The following CCDC3 variants were observed in gnomAD, a reference collection of about 807,000 sequenced individuals.
CCDC3 encodes the protein coiled-coil domain containing 3, also known as coiled-coil domain-containing protein 3.
In CCDC3, 24 loss-of-function variants were observed where a neutral mutation model predicts 21.4. That is an observed-to-expected ratio of 1.12 (90% confidence interval 0.81 to 1.58). CCDC3 has a LOEUF of 1.58. Ranked by LOEUF, CCDC3 falls within the 40% of genes most tolerant of loss-of-function variation. CCDC3 has a pLI of 0.00. For synonymous variants in CCDC3, 186 were observed against 166.0 expected, an observed-to-expected ratio of 1.12 and a Z score of -0.93; for missense variants, 425 against 360.9, an observed-to-expected ratio of 1.18 and a Z score of -1.44.
chr10:13,081,755 C>A (rs1221171032), intron 3 of CCDC3, among the ~76,000 whole-genome samples: 3 of 152,152 alleles, frequency 2.0e-5, no homozygotes. Flanking sequence ...ACAATTGAGA[C>A]AAGGTATCAG....
At chr10:13,096,123 C>T (rs1832626240) in intron 3 of CCDC3, among the ~76,000 whole-genome samples, 1 of 151,102 alleles carries the variant, frequency 6.6e-6, no homozygotes, top group African/African-American at 2.4e-5. Flanking sequence ...TCCTTCCTTC[C>T]CTCCTTCCTT....
intron 2 of CCDC3, among the ~76,000 whole-genome samples, chr10:12,983,123 A>C (rs563130189): frequency 9.4e-6 from 1 of 106,836 alleles, no homozygotes; most frequent in African/African-American, 4.0e-5. Flanking sequence ...TAAATAAATA[A>C]AATAGTGTAT....
intron 5 of CCDC3, among the ~76,000 whole-genome samples, chr10:13,029,115 C>CTG (rs761635643): frequency 6.6e-6 from 1 of 152,174 alleles, no homozygotes; most frequent in Non-Finnish European, 1.5e-5. Context: ...TGTGCTCCTG[C>CTG]TGTGTCCTTT....
intron 2 of CCDC3, among the ~76,000 whole-genome samples, chr10:12,962,597 G>GT (rs1835196627): frequency 6.6e-6 from 1 of 152,138 alleles, no homozygotes; most frequent in African/African-American, 2.4e-5. Context: ...GCAAGACTCT[G>GT]TCTCAAAAAA....
intron 4 of CCDC3, among the ~76,000 whole-genome samples, chr10:13,064,658 T>C (rs145171325): frequency 0.014 from 2,076 of 152,132 alleles, 49 homozygotes; most frequent in African/African-American, 0.047. Context: ...TGGTGGTGGG[T>C]GCCTGTAGTC....
intron 2 of CCDC3, among the ~76,000 whole-genome samples, chr10:12,943,986 CCCTT>C (rs1211902438): frequency 2.0e-5 from 3 of 152,152 alleles, no homozygotes; most frequent in East Asian, 3.9e-4. Context: ...TCACCCTCCT[CCCTT>C]AAGAGTTGAC....
intron 3 of CCDC3, among the ~76,000 whole-genome samples, chr10:13,074,699 C>A (rs4750308): frequency 0.75 from 114,364 of 151,810 alleles, 43,410 homozygotes; most frequent in Middle Eastern, 0.83. Context: ...CACAAATACG[C>A]GTGCACACAC....
In CCDC3 at chr10:13,001,197, C is replaced by T. The variant is rs755900412; in HGVS notation, c.374G>A (p.Arg125Lys). 6.4e-6 allele frequency: 10 copies of T among 1,551,444 alleles called. No homozygotes were observed. In the South Asian group the frequency reaches 8.3e-5, roughly 13 times the overall value. The change falls in exon 1 of 3, where the codon AGG becomes AAG. Residue 125 changes from arginine (R) to lysine (K), a missense_variant and splice_region_variant. By Grantham distance (26) the Arg-to-Lys change is conservative (BLOSUM62 2). Transcript: ENST00000378825. ...VQDYSYFFFL[R>K]MDENYNLLPH... ...GTGGCGGCGGCGCCGCCGGGCTCAC[C>T]TGAGGAAGAAGAAATAGGAGTAGTC...
intron 2 of CCDC3, among the ~76,000 whole-genome samples, chr10:12,980,020 G>A (rs1377187721): frequency 6.6e-6 from 1 of 152,132 alleles, no homozygotes; most frequent in African/African-American, 2.4e-5. Flanking sequence ...TGTAGCTATG[G>A]GTATGTCCTA....
chr10:12,920,847 A>C (rs925237483), intron 2 of CCDC3, among the ~76,000 whole-genome samples: 17 of 152,340 alleles, frequency 1.1e-4, no homozygotes, highest in South Asian at 2.1e-4. Context: ...CTATCTCAAA[A>C]GGTAGCGCTC....
intron 2 of CCDC3, among the ~76,000 whole-genome samples, chr10:12,962,279 A>C (rs1403161855): frequency 6.6e-6 from 1 of 152,214 alleles, no homozygotes; most frequent in African/African-American, 2.4e-5. Context: ...TTGCAAGAAT[A>C]AAACTTGATG....
At chr10:13,035,163 G>A (rs1227643245) in intron 5 of CCDC3, among the ~76,000 whole-genome samples, 1 of 152,124 alleles carries the variant, frequency 6.6e-6, no homozygotes, top group Non-Finnish European at 1.5e-5. Flanking sequence ...TTTCTGGGTG[G>A]CAATCTCACA....
At chr10:12,952,771 G>T (rs1835025767) in intron 2 of CCDC3, among the ~76,000 whole-genome samples, 1 of 152,140 alleles carries the variant, frequency 6.6e-6, no homozygotes, top group African/African-American at 2.4e-5. Context: ...GGCCAGGTGT[G>T]ACCTCAAAGC....
chr10:13,077,136 T>G (rs1461537466), intron 3 of CCDC3, among the ~76,000 whole-genome samples: 2 of 152,210 alleles, frequency 1.3e-5, no homozygotes, highest in South Asian at 4.1e-4. Context: ...AAAATCTCCT[T>G]AAGCTGATAA....
chr10:13,027,720 T>TA (rs5783300), intron 5 of CCDC3, among the ~76,000 whole-genome samples: 103,122 of 144,062 alleles, frequency 0.72, 38,020 homozygotes, highest in East Asian at 0.84. Flanking sequence ...CAAAAAAAAT[T>TA]AAAAAAAAAA....
rs1441982855 is a variant in CCDC3, at chr10:13,074,149, ATATATTT to A, written c.-502-56_-502-50del. The A allele has an allele frequency of 8.8e-3, 440 of 50,220 alleles. 1 individual carries two copies. Among genetic ancestry groups the A allele is most frequent in the East Asian group, 0.064 (101 of 1,584 alleles). The allele number at this position is 50,220 out of a possible 1,614,324, so 3.1% of individuals were successfully genotyped here. On this transcript the variant is annotated intron_variant, in intron 3 of 6. Transcript: ENST00000378839. ...ATCAAATATATATATATATATATATATATATTTTTTTTTTTTTTTTTTTTTGAGACAG... is the reference window on the plus strand; with the variant it reads ...ATCAAATATATATATATATATATATATTTTTTTTTTTTTTTTTTGAGACAG...
At chr10:13,089,793 AC>A (rs1226011966) in intron 3 of CCDC3, among the ~76,000 whole-genome samples, 1 of 151,782 alleles carries the variant, frequency 6.6e-6, no homozygotes, top group African/African-American at 2.4e-5. Context: ...CGAGCAGTGG[AC>A]ACTGCACCCA....
intron 2 of CCDC3, among the ~76,000 whole-genome samples, chr10:12,979,063 A>G (rs1356280312): frequency 2.0e-5 from 3 of 152,102 alleles, no homozygotes; most frequent in African/African-American, 7.2e-5. Flanking sequence ...ATCTCCCCAG[A>G]TGGCCTCACA....
intron 5 of CCDC3, among the ~76,000 whole-genome samples, chr10:13,046,266 C>T (rs1836526472): frequency 6.6e-6 from 1 of 151,892 alleles, no homozygotes. Flanking sequence ...ATTAGCTGGG[C>T]ATGATGACTC....
Sources: allele counts gnomAD v4.1 joint callset (sites outside exome capture counted in the v4.1 genomes callset), GRCh38; gene constraint gnomAD v4.1.1; transcripts MANE v1.5; gene names NCBI Gene and HGNC (gene_info 2026-07-23, HGNC 2026-07-21).